Variants in FHIT observed in about 807,000 individuals in gnomAD.
FHIT encodes fragile histidine triad diadenosine triphosphatase.
FHIT carries 19 observed loss-of-function variants against 17.9 expected under a neutral mutation model. The observed-to-expected ratio is 1.06, with a 90% CI of 0.74 to 1.56. The LOEUF is 1.56. FHIT is among the 40% of genes most tolerant of loss of function. The pLI is 0.00. For missense variants in FHIT, 248 were observed against 189.2 expected, an observed-to-expected ratio of 1.31 and a Z score of -1.82; for synonymous variants, 81 against 69.7, an observed-to-expected ratio of 1.16 and a Z score of -0.81.
intron 1 of FHIT, among the ~76,000 whole-genome samples, chr3:61,215,813 C>G (rs900141121): frequency 2.0e-5 from 3 of 152,180 alleles, no homozygotes; most frequent in Non-Finnish European, 4.4e-5. Context: ...ATCAATGGAA[C>G]AGTACAGAGC....
At chr3:61,054,283 G>A (rs2034136175) in intron 2 of FHIT, among the ~76,000 whole-genome samples, 2 of 152,126 alleles carry the variant, frequency 1.3e-5, no homozygotes. Context: ...GGGCTGAACA[G>A]GTGTAATTCA....
intron 5 of FHIT, among the ~76,000 whole-genome samples, chr3:60,236,037 C>T (rs976485272): frequency 6.6e-6 from 1 of 152,044 alleles, no homozygotes; most frequent in African/African-American, 2.4e-5. Context: ...TTCTGCTGCA[C>T]GTAGTTCTCA....
intron 2 of FHIT, among the ~76,000 whole-genome samples, chr3:61,111,791 A>C (rs966446118): frequency 5.9e-5 from 9 of 152,222 alleles, no homozygotes; most frequent in Non-Finnish European, 2.9e-5. Flanking sequence ...AAGCAGATAC[A>C]TATGTACGTA....
At chr3:60,284,239 A>G (rs555225953) in intron 5 of FHIT, among the ~76,000 whole-genome samples, 4 of 152,302 alleles carry the variant, frequency 2.6e-5, no homozygotes, top group South Asian at 4.1e-4. Context: ...TGTCACTTAC[A>G]TTTAAGAATC....
intron 5 of FHIT, among the ~76,000 whole-genome samples, chr3:60,193,759 G>A (rs12491492): frequency 0.042 from 6,392 of 152,218 alleles, 194 homozygotes; most frequent in South Asian, 0.1. Context: ...ATATATGACT[G>A]TAGCACAGTG....
intron 4 of FHIT, among the ~76,000 whole-genome samples, chr3:60,666,142 G>T (rs782221594): frequency 6.6e-6 from 1 of 152,048 alleles, no homozygotes; most frequent in Non-Finnish European, 1.5e-5. Context: ...AAAACTCAAA[G>T]AGAAAAGAAC....
At chr3:60,996,332 T>A (rs963560538) in intron 3 of FHIT, among the ~76,000 whole-genome samples, 1 of 152,160 alleles carries the variant, frequency 6.6e-6, no homozygotes, top group South Asian at 2.1e-4. Flanking sequence ...TAACTCTTAA[T>A]CTTAATTAAA....
chr3:60,289,961 T>C (rs901334039), intron 5 of FHIT, among the ~76,000 whole-genome samples: 14 of 152,226 alleles, frequency 9.2e-5, no homozygotes, highest in African/African-American at 3.4e-4. Context: ...CAGTGGTTTA[T>C]TTCTGAAGCT....
intron 4 of FHIT, among the ~76,000 whole-genome samples, chr3:60,717,623 T>C (rs1553707103): frequency 6.6e-6 from 1 of 152,160 alleles, no homozygotes; most frequent in Non-Finnish European, 1.5e-5. Context: ...AAGTTTGCCT[T>C]TTAAAGAAAT....
At chr3:60,169,917 G>A (rs758926829) in intron 5 of FHIT, among the ~76,000 whole-genome samples, 4 of 152,172 alleles carry the variant, frequency 2.6e-5, no homozygotes, top group Admixed American at 2.6e-4. Context: ...GCTTCAATTG[G>A]CAAGAAAAAG....
intron 4 of FHIT, among the ~76,000 whole-genome samples, chr3:60,672,496 A>G (rs903135690): frequency 6.6e-6 from 1 of 152,190 alleles, no homozygotes; most frequent in African/African-American, 2.4e-5. Context: ...GGCAAGGACC[A>G]GCCATTTACA....
At position 61,050,993 on chromosome 3, in the gene FHIT, T is replaced by A. The variant is rs143940232; in HGVS notation, c.-163-8894A>T. 4.7e-4 allele frequency among the ~76,000 whole-genome samples: 72 copies of A among 152,302 alleles called. No individual in the cohort carries two copies. In the East Asian group the frequency reaches 0.012, roughly 24 times the overall value. ...CACCTATTTTGTGAGTTTTGATGCT[T>A]CCCTTTCAATACTCATACACGTGCA... On this transcript the variant is annotated intron_variant, in intron 2 of 9. Coordinates refer to ENST00000492590, the MANE Select transcript of FHIT (RefSeq NM_002012.4).
intron 4 of FHIT, among the ~76,000 whole-genome samples, chr3:60,680,910 G>A (rs901528819): frequency 1.1e-4 from 17 of 152,286 alleles, no homozygotes; most frequent in African/African-American, 4.1e-4. Flanking sequence ...CAATTGTAGA[G>A]AAGAAAACAA....
chr3:60,772,688 T>C (rs956954389), intron 4 of FHIT, among the ~76,000 whole-genome samples: 3 of 152,146 alleles, frequency 2.0e-5, no homozygotes, highest in African/African-American at 4.8e-5. Flanking sequence ...GCTGCTAAGG[T>C]ACAGACATGA....
rs367561276 is a variant in FHIT, at chr3:61,008,899, T to TTG, written c.-111+33146_-111+33147dup. Among the ~76,000 whole-genome samples, 463 of 151,996 alleles carry TTG rather than the reference T, an allele frequency of 3.0e-3. 6 individuals are homozygous for TTG. Among genetic ancestry groups the TTG allele is most frequent in the African/African-American group, 0.01 (424 of 41,448 alleles). ...AAATAATGGAACTAATTTGGGCTTT[T>TTG]TGTGTGTGTGTGTGTGCGGAAAACT... is the stretch of plus-strand genomic sequence containing the variant. On this transcript the variant is annotated intron_variant, in intron 3 of 9. Coordinates refer to ENST00000492590, the MANE Select transcript of FHIT (RefSeq NM_002012.4).
chr3:60,600,849 T>C (rs2038420676), intron 4 of FHIT, among the ~76,000 whole-genome samples: 1 of 152,192 alleles, frequency 6.6e-6, no homozygotes, highest in Admixed American at 6.5e-5. Context: ...TATGAGAAGA[T>C]GCCCCCTCTG....
At chr3:60,128,761 T>C (rs1352306214) in intron 5 of FHIT, among the ~76,000 whole-genome samples, 3 of 152,136 alleles carry the variant, frequency 2.0e-5, no homozygotes, top group African/African-American at 4.8e-5. Context: ...AGAAATGATA[T>C]AGTCCATTCC....
Position 60,259,087 on chromosome 3 carries a change from C to T in FHIT, c.104-244935G>A, listed in dbSNP as rs148901159. Among the ~76,000 whole-genome samples the T allele has an allele frequency of 1.7e-3, 258 of 151,812 alleles. 2 individuals carry two copies. The highest frequency in any genetic ancestry group is 0.014 in the Middle Eastern group (4 of 288). On this transcript the variant is annotated intron_variant, in intron 5 of 9. Transcript: ENST00000492590. ...AAAAAAGACCTACCTTGATGTGGTT[C>T]CGAAAGATTTTTTTCACCTGTCCCC...
intron 4 of FHIT, among the ~76,000 whole-genome samples, chr3:60,649,937 T>C (rs1242962249): frequency 6.6e-6 from 1 of 152,172 alleles, no homozygotes; most frequent in Non-Finnish European, 1.5e-5. Context: ...CCAGCACCTG[T>C]CCCATAATGG....
Sources: gnomAD v4.1 joint callset for allele counts (sites outside exome capture counted in the v4.1 genomes callset) on GRCh38, gnomAD v4.1.1 for gene constraint, MANE v1.5 for transcripts, NCBI Gene and HGNC (gene_info 2026-07-23, HGNC 2026-07-21) for gene names.